Variants in SUZ12 observed in about 807,000 individuals in gnomAD.
SUZ12 encodes the protein SUZ12 polycomb repressive complex 2 subunit, also known as polycomb protein SUZ12.
Under a neutral mutation model 87.3 loss-of-function variants are expected in SUZ12, and 17 were observed. The observed-to-expected ratio is 0.19, with a 90% CI of 0.13 to 0.29. The LOEUF (loss-of-function observed/expected upper bound fraction) is 0.29, where lower values mean the gene tolerates loss of function less well. Ranked by LOEUF, SUZ12 falls within the 10% of genes least tolerant of loss-of-function variation. SUZ12 has a pLI of 1.00. For synonymous variants in SUZ12, 253 were observed against 312.4 expected, an observed-to-expected ratio of 0.81 and a Z score of 2.01; for missense variants, 526 against 912.2, an observed-to-expected ratio of 0.58 and a Z score of 5.45.
Position 31,997,310 on chromosome 17 carries a change from C to T in SUZ12, c.1874+433C>T, listed in dbSNP as rs980800455. On this transcript the variant is annotated intron_variant, in intron 15 of 15. Coordinates refer to ENST00000322652, the MANE Select transcript of SUZ12 (RefSeq NM_015355.4). ...AATCACTGGTGCCCATCCTAACTCT[C>T]GTAGTAGTGTTTCTCCCATGCTTGC... 3.9e-5 allele frequency among the ~76,000 whole-genome samples: 6 copies of T among 152,140 alleles called. No homozygotes were observed. The South Asian group carries it at 8.3e-4, about 21-fold the overall frequency.
At chr17:31,961,162 G>A (rs954204963) in intron 4 of SUZ12, among the ~76,000 whole-genome samples, 18 of 151,978 alleles carry the variant, frequency 1.2e-4, no homozygotes, top group Middle Eastern at 3.4e-3. Flanking sequence ...ACAGTGAGCC[G>A]AGATCACGCC....
chr17:31,975,779 A>C (rs1343738961), intron 7 of SUZ12, 66 bp downstream of exon 7: 1 of 1,293,350 alleles, frequency 7.7e-7, no homozygotes, highest in Non-Finnish European at 1.1e-6. Flanking sequence ...TGATTGTACC[A>C]GTGTTCCTTC....
chr17:31,978,865 T>C (rs1406439588), intron 8 of SUZ12, among the ~76,000 whole-genome samples: 1 of 152,012 alleles, frequency 6.6e-6, no homozygotes, highest in Non-Finnish European at 1.5e-5. Context: ...CCCAGCACTT[T>C]GGGAGGCTGA....
At chr17:31,942,662 A>C (rs1471619831) in intron 3 of SUZ12, among the ~76,000 whole-genome samples, 1 of 152,170 alleles carries the variant, frequency 6.6e-6, no homozygotes, top group Admixed American at 6.6e-5. Context: ...TTGAAGGGGA[A>C]ACACTTTTGA....
In SUZ12 at chr17:31,984,949, A is replaced by G. The variant is rs529455899; in HGVS notation, c.1023+1845A>G. 3.0e-4 allele frequency among the ~76,000 whole-genome samples: 45 copies of G among 152,262 alleles called. 1 individual carries two copies. The South Asian group carries it at 9.1e-3, about 31-fold the overall frequency. ...GGCGGGTGGATCACCTGAGGTTATG[A>G]ATTTGACACCAGCCTGGCCAACATG... On this transcript the variant is annotated intron_variant, in intron 9 of 15. Coordinates refer to ENST00000322652, the MANE Select transcript of SUZ12 (RefSeq NM_015355.4).
At position 31,996,241 on chromosome 17, in the gene SUZ12, G is replaced by A. The variant is rs540525401; in HGVS notation, c.1794+479G>A. On this transcript the variant is annotated intron_variant, in intron 14 of 15. Transcript: ENST00000322652. ...AACAAAAAAGTTACCAAGTTAAAGG[G>A]AATATGGATTTTCTTCAAGTAAATT... is the stretch of plus-strand genomic sequence containing the variant. Among the ~76,000 whole-genome samples, 7 of 152,220 alleles carry A rather than the reference G, an allele frequency of 4.6e-5. No homozygotes were observed. The East Asian group carries it at 1.3e-3, about 29-fold the overall frequency.
At position 31,937,291 on chromosome 17, in the gene SUZ12, G is replaced by A. The variant is rs1238843146; in HGVS notation, c.45G>A (p.Gly15=). ...KHGGGGGGGS[G]PSAGSGGGGF... ...GCGGTGGGGGAGGGGGCGGCTCGGG[G>A]CCCAGCGCGGGGTCCGGGGGAGGCG... The change falls in exon 1 of 16, where the codon GGG becomes GGA. Residue 15 remains glycine, a synonymous_variant. Coordinates refer to ENST00000322652, the MANE Select transcript of SUZ12 (RefSeq NM_015355.4). 2 of 1,398,910 alleles carry A rather than the reference G, an allele frequency of 1.4e-6. No individual in the cohort carries two copies. Among genetic ancestry groups the A allele is most frequent in the Middle Eastern group, 2.6e-4 (1 of 3,874 alleles). 86.7% of individuals were successfully genotyped at this position (1,398,910 alleles called of 1,614,324 possible).
At chr17:31,942,283 G>C (rs1401105111) in intron 3 of SUZ12, among the ~76,000 whole-genome samples, 2 of 151,704 alleles carry the variant, frequency 1.3e-5, no homozygotes, top group African/African-American at 4.8e-5. Context: ...ATTAGGTCCT[G>C]TAATGGTGGG....
At position 31,994,568 on chromosome 17, in the gene SUZ12, A is replaced by T. The variant is rs1909878005; in HGVS notation, c.1442A>T (p.His481Leu). 1 of 1,596,220 alleles carries T rather than the reference A, an allele frequency of 6.3e-7. No homozygotes were observed. Among genetic ancestry groups the T allele is most frequent in the Non-Finnish European group, 8.5e-7 (1 of 1,172,578 alleles). The part of the protein sequence containing the change: ...HSRFIFNYVY[H>L]PKGARIDVSI... ...TTTTTTACATTTTTGTTGCAGTATC[A>T]TCCAAAAGGTGCTAGGATAGATGTT... is the stretch of plus-strand genomic sequence containing the variant. Residue 481 changes from histidine to leucine, a missense_variant, in exon 13 of 16, where the codon CAT (histidine) becomes CTT (leucine). Physicochemically the swap from His to Leu is moderately conservative, Grantham distance 99 (BLOSUM62 -3). Around this residue, in one of 9 missense-constraint regions of SUZ12, gnomAD observed 143 missense variants for 321.6 expected, o/e 0.44. Transcript: ENST00000322652.
chr17:31,964,441 C>T (rs1445083670), intron 4 of SUZ12, among the ~76,000 whole-genome samples: 2 of 151,384 alleles, frequency 1.3e-5, no homozygotes, highest in African/African-American at 2.4e-5. Context: ...GAGTCTCCCC[C>T]TGTCACCCAG....
rs780641755 is a variant in SUZ12 at position 31,955,818 on chromosome 17, A to G, written c.455+8133A>G. Reference sequence around the variant, plus strand: ...GATGGTCTCAAACTTCTGGCCTCTAACAGTCCTCCTGTCTCAGCCTCTCAA... The same window carrying G: ...GATGGTCTCAAACTTCTGGCCTCTAGCAGTCCTCCTGTCTCAGCCTCTCAA... On this transcript the variant is annotated intron_variant, in intron 4 of 15. Transcript: ENST00000322652. Among the ~76,000 whole-genome samples, 6 of 152,042 alleles carry G rather than the reference A, an allele frequency of 3.9e-5. No individual in the cohort carries two copies. The South Asian group carries it at 6.2e-4, about 16-fold the overall frequency.
In SUZ12 at chr17:31,999,742, ATG is replaced by A; in HGVS notation, c.*741_*742del. 2 of 229,558 alleles carry A rather than the reference ATG, an allele frequency of 8.7e-6. No individual in the cohort carries two copies. The highest frequency in any genetic ancestry group is 1.7e-5 in the Non-Finnish European group (2 of 116,750). The allele number at this position is 229,558 out of a possible 1,614,324, so 14.2% of individuals were successfully genotyped here. ...AATTTTAGTGCATTGCTCACCCGGT[ATG>A]TTTTTTTTTTTTAACTTGAACATTT... On this transcript the variant is annotated 3_prime_UTR_variant, in exon 16 of 16. Transcript: ENST00000322652.
chr17:31,967,544 T>C (rs1207622419), intron 5 of SUZ12: 1 of 152,008 alleles, frequency 6.6e-6, no homozygotes, highest in Non-Finnish European at 1.5e-5. Context: ...CCAGTGGCAC[T>C]CCAGCCTGGT....
intron 15 of SUZ12, 23 bp from the exon 16 acceptor site, chr17:31,998,634 TC>T: frequency 6.7e-7 from 1 of 1,499,496 alleles, no homozygotes; most frequent in Non-Finnish European, 8.9e-7. Flanking sequence ...GTATTGCTAT[TC>T]ATATTCTGTT....
intron 10 of SUZ12, among the ~76,000 whole-genome samples, chr17:31,989,765 A>ATTTTTTTTTTTTTTTTTT (rs568524946): frequency 3.9e-5 from 5 of 129,860 alleles, no homozygotes; most frequent in Non-Finnish European, 8.3e-5. Flanking sequence ...CGACCAGCTA[A>ATTTTTTTTTTTTTTTTTT]TTTTTTTTTT....
At chr17:31,969,338 G>A (rs1908278995) in intron 5 of SUZ12, among the ~76,000 whole-genome samples, 1 of 152,012 alleles carries the variant, frequency 6.6e-6, no homozygotes, top group Non-Finnish European at 1.5e-5. Flanking sequence ...GTAGAGATGG[G>A]GTTTCTCCAC....
intron 12 of SUZ12, 154 bp from the exon 13 acceptor site, chr17:31,994,410 A>G (rs1456331483): frequency 1.8e-6 from 1 of 555,750 alleles, no homozygotes; most frequent in Non-Finnish European, 2.9e-6. Flanking sequence ...CATTTTGTTG[A>G]CCCCAGGTCT....
At chr17:31,991,738 G>A (rs1176643795) in intron 10 of SUZ12, among the ~76,000 whole-genome samples, 1 of 151,814 alleles carries the variant, frequency 6.6e-6, no homozygotes, top group African/African-American at 2.4e-5. Context: ...CCAAGTAGCT[G>A]GGACTACAGG....
chr17:31,958,017 C>T (rs1315873161), intron 4 of SUZ12, among the ~76,000 whole-genome samples: 1 of 151,248 alleles, frequency 6.6e-6, no homozygotes, highest in Admixed American at 6.6e-5. Flanking sequence ...ATTCTCCTGC[C>T]TCAGCCTCCC....
Sources: gnomAD v4.1 joint callset for allele counts (sites outside exome capture counted in the v4.1 genomes callset) on GRCh38, gnomAD v4.1.1 for gene constraint, gnomAD v4.1.1 regional missense constraint, MANE v1.5 for transcripts, NCBI Gene and HGNC (gene_info 2026-07-23, HGNC 2026-07-21) for gene names.